Variants in LAMA2 observed in about 807,000 individuals in gnomAD.
The protein encoded by LAMA2 is laminin subunit alpha-2.
A neutral mutation model predicts 364.8 loss-of-function variants in LAMA2; 269 were observed. The ratio of observed to expected loss-of-function variants is 0.74; its 90% CI spans 0.67 to 0.82. The LOEUF is 0.82. Among genes scored for constraint, LAMA2 ranks in the 40% least tolerant of loss-of-function variants. The pLI, the probability that LAMA2 is intolerant of heterozygous loss-of-function variation, is 0.00. For synonymous variants in LAMA2, 1,379 were observed against 1,370.6 expected, an observed-to-expected ratio of 1.01 and a Z score of -0.14; for missense variants, 3,807 against 3,873.2, an observed-to-expected ratio of 0.98 and a Z score of 0.45.
intron 18 of LAMA2, among the ~76,000 whole-genome samples, chr6:129,284,243 CT>C (rs5879938): frequency 0.94 from 143,356 of 151,900 alleles, 68,113 homozygotes; most frequent in East Asian, 1. Context: ...TTTGCCAATA[CT>C]GTTCCCTCTG....
chr6:129,080,741 C>T (rs540871815), intron 3 of LAMA2, among the ~76,000 whole-genome samples: 1 of 152,276 alleles, frequency 6.6e-6, no homozygotes, highest in Admixed American at 6.5e-5. Flanking sequence ...AGTCAGGAAA[C>T]AACAGGTGCT....
chr6:129,462,144 G>A (rs1030734463), intron 49 of LAMA2, among the ~76,000 whole-genome samples: 2 of 151,988 alleles, frequency 1.3e-5, no homozygotes, highest in Non-Finnish European at 2.9e-5. Flanking sequence ...AGTGTTTTTA[G>A]AAAAGAACAA....
At chr6:129,042,001 C>CAA (rs67741467) in intron 1 of LAMA2, among the ~76,000 whole-genome samples, 61,257 of 142,688 alleles carry the variant, frequency 0.43, 13,867 homozygotes, top group African/African-American at 0.59. Context: ...GACCCTGTCT[C>CAA]AAAAAAAAAA....
At chr6:129,393,320 C>T in intron 37 of LAMA2, 65 bp downstream of exon 37, 1 of 1,164,640 alleles carries the variant, frequency 8.6e-7, no homozygotes, top group Non-Finnish European at 1.3e-6. Flanking sequence ...CAGTGTTGAA[C>T]ATGGCTGGAC....
At chr6:129,259,891 T>A (rs184207451) in intron 14 of LAMA2, among the ~76,000 whole-genome samples, 526 of 152,212 alleles carry the variant, frequency 3.5e-3, no homozygotes, top group South Asian at 0.01. Context: ...GTATTCTTAA[T>A]AATTAAGCTT....
chr6:129,213,874 G>T (rs569604830), intron 12 of LAMA2, among the ~76,000 whole-genome samples: 1 of 152,144 alleles, frequency 6.6e-6, no homozygotes, highest in South Asian at 2.1e-4. Context: ...AATCTAAAAT[G>T]AATTTTTATT....
rs766313262 is a variant in LAMA2, at chr6:129,221,167, A to AAT, written c.1782+28315_1782+28316insTA. On this transcript the variant is annotated intron_variant, in intron 12 of 64. Coordinates refer to ENST00000421865, the MANE Select transcript of LAMA2 (RefSeq NM_000426.4). ...GACAGAGCAAGACTCCATCTCAAAA[A>AAT]AAAAATAAAAATTAAAAAAAAAGCC... Among the ~76,000 whole-genome samples, 592 of 151,778 alleles carry AAT rather than the reference A, an allele frequency of 3.9e-3. 6 individuals carry two copies. The highest frequency in any genetic ancestry group is 8.5e-3 in the Admixed American group (129 of 15,232).
chr6:129,146,540 C>T (rs563247952), intron 5 of LAMA2, among the ~76,000 whole-genome samples: 1 of 152,096 alleles, frequency 6.6e-6, no homozygotes, highest in East Asian at 1.9e-4. Flanking sequence ...TCAAATCCAT[C>T]AAGTAAAACA....
chr6:129,344,530 A>T (rs1268570272), intron 30 of LAMA2, among the ~76,000 whole-genome samples: 1 of 152,204 alleles, frequency 6.6e-6, no homozygotes, highest in Non-Finnish European at 1.5e-5. Flanking sequence ...GAATGGAAAT[A>T]TGCAAATAGC....
chr6:129,145,716 T>C (rs898431714), intron 5 of LAMA2, among the ~76,000 whole-genome samples: 2 of 151,948 alleles, frequency 1.3e-5, no homozygotes, highest in Non-Finnish European at 2.9e-5. Flanking sequence ...AACATATAAA[T>C]ATGTTTTTTG....
intron 1 of LAMA2, among the ~76,000 whole-genome samples, chr6:129,043,395 T>C (rs1254744360): frequency 6.6e-6 from 1 of 152,224 alleles, no homozygotes; most frequent in African/African-American, 2.4e-5. Flanking sequence ...TACTGTCTTT[T>C]ATCATCTCCA....
At chr6:129,482,770 C>A (rs1784408807) in intron 55 of LAMA2, among the ~76,000 whole-genome samples, 1 of 151,986 alleles carries the variant, frequency 6.6e-6, no homozygotes, top group East Asian at 1.9e-4. Context: ...GTTAGAAAAT[C>A]AAAATATCAG....
chr6:129,493,601 G>T (rs531025284), intron 58 of LAMA2, among the ~76,000 whole-genome samples: 1 of 152,156 alleles, frequency 6.6e-6, no homozygotes, highest in East Asian at 1.9e-4. Flanking sequence ...TATACTGAAC[G>T]TTTAATAAAT....
intron 1 of LAMA2, among the ~76,000 whole-genome samples, chr6:128,955,461 T>A (rs1781082086): frequency 6.6e-6 from 1 of 151,932 alleles, no homozygotes; most frequent in Admixed American, 6.6e-5. Flanking sequence ...TATACAGAGA[T>A]GAAAAGTTTT....
At chr6:129,073,387 G>A (rs1773439143) in intron 3 of LAMA2, among the ~76,000 whole-genome samples, 1 of 152,076 alleles carries the variant, frequency 6.6e-6, no homozygotes, top group Admixed American at 6.6e-5. Flanking sequence ...GGATTCAAAA[G>A]CTTCTAGATT....
At chr6:128,942,135 A>G (rs1780199350) in intron 1 of LAMA2, among the ~76,000 whole-genome samples, 1 of 152,276 alleles carries the variant, frequency 6.6e-6, no homozygotes, top group East Asian at 1.9e-4. Flanking sequence ...GCACAGCTCT[A>G]CTTATTCAAG....
At chr6:129,511,165 T>G (rs1455230064) in intron 62 of LAMA2, among the ~76,000 whole-genome samples, 1 of 152,138 alleles carries the variant, frequency 6.6e-6, no homozygotes, top group Non-Finnish European at 1.5e-5. Flanking sequence ...AAGACTTGGG[T>G]GGTCAGAAGA....
At chr6:129,269,376 T>TA (rs994106391) in intron 16 of LAMA2, among the ~76,000 whole-genome samples, 18 of 151,774 alleles carry the variant, frequency 1.2e-4, no homozygotes, top group East Asian at 1.2e-3. Flanking sequence ...TTTTTTTTTT[T>TA]TTATTTCCAT....
chr6:129,303,775 G>T (rs1773691024), intron 22 of LAMA2, among the ~76,000 whole-genome samples: 1 of 151,788 alleles, frequency 6.6e-6, no homozygotes, highest in Admixed American at 6.6e-5. Flanking sequence ...TTGGCCATGG[G>T]GATTATCCTT....
Sources: gnomAD v4.1 joint callset for allele counts (sites outside exome capture counted in the v4.1 genomes callset) on GRCh38, gnomAD v4.1.1 for gene constraint, MANE v1.5 for transcripts, NCBI Gene and HGNC (gene_info 2026-07-23, HGNC 2026-07-21) for gene names.